CCDC102B: variants seen among roughly 807,000 people sequenced by gnomAD.
CCDC102B encodes the protein coiled-coil domain-containing protein 102B.
CCDC102B carries 75 observed loss-of-function variants against 57.4 expected under a neutral mutation model. The ratio of observed to expected loss-of-function variants is 1.31; its 90% CI spans 1.08 to 1.58. The LOEUF (loss-of-function observed/expected upper bound fraction) is 1.58. Ranked by LOEUF, CCDC102B falls within the 40% of genes most tolerant of loss-of-function variation. CCDC102B has a pLI of 0.00. For synonymous variants in CCDC102B, 206 were observed against 201.9 expected (o/e 1.02, Z -0.17); for missense variants, 636 against 582.6 (o/e 1.09, Z -0.94).
intron 7 of CCDC102B, among the ~76,000 whole-genome samples, chr18:69,022,354 A>AATAT (rs35964933): frequency 2.3e-4 from 34 of 149,992 alleles, no homozygotes; most frequent in Admixed American, 4.0e-4. Context: ...GTTATATATA[A>AATAT]ATATATATAT....
intron 2 of CCDC102B, among the ~76,000 whole-genome samples, chr18:68,757,049 C>A (rs1349926335): frequency 6.6e-6 from 1 of 152,146 alleles, no homozygotes; most frequent in African/African-American, 2.4e-5. Flanking sequence ...ACTTTTCTAT[C>A]TAAAAATGTG....
chr18:68,715,492 G>A (rs559334451), intron 1 of CCDC102B: 353 of 155,670 alleles, frequency 2.3e-3, no homozygotes, highest in Non-Finnish European at 4.3e-3. Context: ...TTAAGACTGC[G>A]GATTGCTGAG....
chr18:68,899,336 C>G (rs1319925154), intron 6 of CCDC102B, among the ~76,000 whole-genome samples: 1 of 151,880 alleles, frequency 6.6e-6, no homozygotes, highest in Non-Finnish European at 1.5e-5. Context: ...TAGATTTTAT[C>G]ATAACACAAA....
intron 2 of CCDC102B, among the ~76,000 whole-genome samples, chr18:68,719,419 G>A (rs2032203515): frequency 6.6e-6 from 1 of 152,184 alleles, no homozygotes; most frequent in Non-Finnish European, 1.5e-5. Flanking sequence ...CCAAAGGCCT[G>A]AAAACCACAA....
chr18:68,746,752 T>A (rs2033636595), intron 2 of CCDC102B, among the ~76,000 whole-genome samples: 1 of 151,918 alleles, frequency 6.6e-6, no homozygotes, highest in South Asian at 2.1e-4. Context: ...TAAAAAATGA[T>A]AGTTTTATTA....
At position 68,899,226 on chromosome 18, in the gene CCDC102B, G is replaced by A. The variant is rs191122039; in HGVS notation, c.1263+1798G>A. 4.3e-3 allele frequency among the ~76,000 whole-genome samples: 655 copies of A among 152,082 alleles called. 4 individuals carry two copies. The highest frequency in any genetic ancestry group is 6.3e-3 in the Non-Finnish European group (426 of 67,966). On this transcript the variant is annotated intron_variant, in intron 6 of 7. Transcript: ENST00000360242. ...GCAAGCCAAAATTCTTAGTGCAACAGGAACTTCCCCAGAAGCTCAAAATGT... is the reference window on the plus strand; with the variant it reads ...GCAAGCCAAAATTCTTAGTGCAACAAGAACTTCCCCAGAAGCTCAAAATGT...
At chr18:69,035,122 C>T (rs60949908) in intron 7 of CCDC102B, among the ~76,000 whole-genome samples, 8,039 of 151,998 alleles carry the variant, frequency 0.053, 734 homozygotes, top group African/African-American at 0.18. Flanking sequence ...TCATTAACTC[C>T]ATACATATAA....
chr18:68,916,272 C>A (rs989108464), intron 6 of CCDC102B, among the ~76,000 whole-genome samples: 8 of 152,090 alleles, frequency 5.3e-5, no homozygotes, highest in Non-Finnish European at 2.9e-5. Flanking sequence ...ACCTAACACC[C>A]AGTAGACTAC....
chr18:69,000,290 G>C (rs1198887136), intron 6 of CCDC102B, among the ~76,000 whole-genome samples: 1 of 151,972 alleles, frequency 6.6e-6, no homozygotes, highest in Admixed American at 6.6e-5. Context: ...TTTGAGATGG[G>C]TGTTATTATT....
At chr18:68,921,593 CA>C (rs1410111285) in intron 6 of CCDC102B, among the ~76,000 whole-genome samples, 20 of 152,120 alleles carry the variant, frequency 1.3e-4, no homozygotes, top group Non-Finnish European at 2.5e-4. Flanking sequence ...ATCGAGTTGG[CA>C]GTAGAATAAG....
At position 68,934,445 on chromosome 18, in the gene CCDC102B, T is replaced by G. The variant is rs113831686; in HGVS notation, c.1263+37017T>G. Among the ~76,000 whole-genome samples, 332 of 152,104 alleles carry G rather than the reference T, an allele frequency of 2.2e-3. 2 individuals carry two copies. Among genetic ancestry groups the G allele is most frequent in the Non-Finnish European group, 4.1e-3 (277 of 67,928 alleles). ...TTTTCTTTAAAGCAGAAAGCTGTAA[T>G]AAAACTGAAATAACACAGGTCTACA... On this transcript the variant is annotated intron_variant, in intron 6 of 7. Coordinates refer to ENST00000360242, the MANE Select transcript of CCDC102B (RefSeq NM_024781.3).
intron 2 of CCDC102B, among the ~76,000 whole-genome samples, chr18:68,729,044 C>A (rs2032738227): frequency 6.6e-6 from 1 of 151,878 alleles, no homozygotes; most frequent in Admixed American, 6.6e-5. Context: ...GGTTTATGGT[C>A]ATTATGCAAT....
intron 6 of CCDC102B, among the ~76,000 whole-genome samples, chr18:69,005,582 A>G (rs891339670): frequency 2.0e-5 from 3 of 152,022 alleles, no homozygotes; most frequent in African/African-American, 7.2e-5. Context: ...TTTAAGGTAT[A>G]AGAAAATATA....
chr18:68,811,350 G>A (rs1599497057), intron 1 of CCDC102B, among the ~76,000 whole-genome samples: 1 of 152,164 alleles, frequency 6.6e-6, no homozygotes, highest in Non-Finnish European at 1.5e-5. Flanking sequence ...GCTGGGCTTG[G>A]TGGGTCACGC....
chr18:68,956,539 T>A (rs954462582), intron 6 of CCDC102B, among the ~76,000 whole-genome samples: 11 of 5,682 alleles, frequency 1.9e-3, no homozygotes, highest in African/African-American at 3.1e-3. Context: ...ATTATATATT[T>A]TATATATATA....
At chr18:68,983,359 A>G (rs1469736165) in intron 6 of CCDC102B, among the ~76,000 whole-genome samples, 2 of 152,004 alleles carry the variant, frequency 1.3e-5, no homozygotes, top group Admixed American at 6.6e-5. Context: ...GAAAAAATAT[A>G]ACTTGGCAGC....
chr18:68,830,451 C>G (rs1288589207), intron 1 of CCDC102B, among the ~76,000 whole-genome samples: 3 of 151,668 alleles, frequency 2.0e-5, no homozygotes, highest in Non-Finnish European at 4.4e-5. Context: ...TTATTTGGCA[C>G]CATTAAGTTG....
chr18:68,900,687 G>A (rs2040417528), intron 6 of CCDC102B, among the ~76,000 whole-genome samples: 1 of 152,042 alleles, frequency 6.6e-6, no homozygotes, highest in South Asian at 2.1e-4. Flanking sequence ...TAGTAAAATA[G>A]TGTATCTATA....
chr18:69,040,385 G>GGT (rs908583162), intron 7 of CCDC102B, among the ~76,000 whole-genome samples: 114 of 57,348 alleles, frequency 2.0e-3, no homozygotes, highest in African/African-American at 6.1e-3. Flanking sequence ...TAGATGCAGG[G>GGT]GTGTGTGTGT....
Sources: allele counts gnomAD v4.1 joint callset (sites outside exome capture counted in the v4.1 genomes callset), GRCh38; gene constraint gnomAD v4.1.1; transcripts MANE v1.5; gene names NCBI Gene and HGNC (gene_info 2026-07-23, HGNC 2026-07-21).